The following CCDC80 variants were observed in gnomAD, a reference collection of about 807,000 sequenced individuals.
The protein encoded by CCDC80 is coiled-coil domain-containing protein 80.
In CCDC80, 49 loss-of-function variants were observed where a neutral mutation model predicts 78.7. The ratio of observed to expected loss-of-function variants is 0.62; its 90% CI spans 0.50 to 0.79. The LOEUF (loss-of-function observed/expected upper bound fraction) is 0.79. CCDC80 is among the 30% of genes least tolerant of loss of function. The probability of loss-of-function intolerance (pLI) is 0.00; values close to 1 mark genes in which losing one functional copy is unlikely to be tolerated. For synonymous variants in CCDC80, 488 were observed against 447.0 expected, an observed-to-expected ratio of 1.09 and a Z score of -1.16; for missense variants, 1,205 against 1,198.6, an observed-to-expected ratio of 1.01 and a Z score of -0.08.
At chr3:112,610,850 G>A (rs538388732) in intron 5 of CCDC80, among the ~76,000 whole-genome samples, 18 of 151,224 alleles carry the variant, frequency 1.2e-4, no homozygotes, top group South Asian at 6.3e-4. Flanking sequence ...TTTGGGTGTC[G>A]TTGAGCATGT....
chr3:112,613,774 A>T (rs1241886720), intron 5 of CCDC80, among the ~76,000 whole-genome samples: 1 of 152,098 alleles, frequency 6.6e-6, no homozygotes, highest in African/African-American at 2.4e-5. Context: ...ACTGGGATAG[A>T]TCACTAACCC....
At chr3:112,624,926 C>T (rs936447629) in intron 3 of CCDC80, among the ~76,000 whole-genome samples, 6 of 152,098 alleles carry the variant, frequency 3.9e-5, no homozygotes, top group Admixed American at 6.5e-5. Context: ...AACCTAATAG[C>T]AAATCAGAAT....
chr3:112,620,074 A>C (rs1576786679), intron 3 of CCDC80, among the ~76,000 whole-genome samples: 1 of 152,340 alleles, frequency 6.6e-6, no homozygotes, highest in South Asian at 2.1e-4. Flanking sequence ...ATCACTACCC[A>C]GTGACTAACA....
chr3:112,618,899 T>C, intron 4 of CCDC80, 69 bp downstream of exon 4: 1 of 1,532,712 alleles, frequency 6.5e-7, no homozygotes, highest in East Asian at 2.3e-5. Context: ...GAATGGACTG[T>C]TTAACAAAAC....
intron 3 of CCDC80, among the ~76,000 whole-genome samples, chr3:112,621,984 ACT>A (rs1320807780): frequency 1.3e-5 from 2 of 152,024 alleles, no homozygotes; most frequent in African/African-American, 4.8e-5. Context: ...AGAGTCTCAG[ACT>A]CTGTCTCTCA....
intron 4 of CCDC80, among the ~76,000 whole-genome samples, chr3:112,617,510 G>C (rs962686627): frequency 6.6e-6 from 1 of 152,180 alleles, no homozygotes; most frequent in Non-Finnish European, 1.5e-5. Flanking sequence ...GACATGGCTC[G>C]AAGCTCTGCC....
intron 3 of CCDC80, among the ~76,000 whole-genome samples, chr3:112,627,244 T>C (rs1210557049): frequency 6.6e-6 from 1 of 152,210 alleles, no homozygotes; most frequent in African/African-American, 2.4e-5. Flanking sequence ...ATTCCTATCC[T>C]AGACTGACAT....
intron 3 of CCDC80, among the ~76,000 whole-genome samples, chr3:112,623,628 G>T (rs1198501009): frequency 6.6e-6 from 1 of 152,082 alleles, no homozygotes; most frequent in Non-Finnish European, 1.5e-5. Context: ...AAAATTTCCT[G>T]GGTAGTTGTT....
In CCDC80 at chr3:112,599,258, G is replaced by C. The variant is rs1187943388; in HGVS notation, c.*6159C>G. 1 of 152,132 alleles carries C rather than the reference G, an allele frequency of 6.6e-6. No individual in the cohort carries two copies. Among genetic ancestry groups the C allele is most frequent in the African/African-American group, 2.4e-5 (1 of 41,412 alleles). 9.4% of individuals were successfully genotyped at this position (152,132 alleles called of 1,614,324 possible). ...ACCCATTTCTGTGTATCATTTCATTGATTTCTGTGACAGCTGGCCCTTTGC... is the reference window on the plus strand; with the variant it reads ...ACCCATTTCTGTGTATCATTTCATTCATTTCTGTGACAGCTGGCCCTTTGC... On this transcript the variant is annotated 3_prime_UTR_variant, in exon 8 of 8. Coordinates refer to ENST00000206423, the MANE Select transcript of CCDC80 (RefSeq NM_199511.3).
intron 6 of CCDC80, among the ~76,000 whole-genome samples, chr3:112,609,084 T>TC (rs1429032191): frequency 1.3e-5 from 2 of 151,938 alleles, no homozygotes; most frequent in African/African-American, 4.8e-5. Flanking sequence ...CTTAGCTACT[T>TC]CCCCCTGCCC....
intron 2 of CCDC80, among the ~76,000 whole-genome samples, chr3:112,634,759 A>C (rs1936171503): frequency 6.6e-6 from 1 of 152,094 alleles, no homozygotes; most frequent in Admixed American, 6.6e-5. Context: ...TTTCCCCTTC[A>C]CTTTATGGCA....
intron 1 of CCDC80, 60 bp from the exon 2 acceptor site, chr3:112,639,976 T>C (rs2066894880): frequency 6.6e-7 from 1 of 1,525,056 alleles, no homozygotes; most frequent in African/African-American, 1.4e-5. Context: ...AGAAAATTAT[T>C]TATCTGGAAA....
rs371250516 is a variant in CCDC80, at chr3:112,619,496, A to G, written c.2036-392T>C. 4.6e-5 allele frequency among the ~76,000 whole-genome samples: 7 copies of G among 152,302 alleles called. No individual in the cohort carries two copies. The East Asian group carries it at 9.6e-4, about 21-fold the overall frequency. ...AGACAATTTGTTAAGTTCTGTTTCC[A>G]TTAAACATAATTCTGAGTCTAAAAC... On this transcript the variant is annotated intron_variant, in intron 3 of 7. Coordinates refer to ENST00000206423, the MANE Select transcript of CCDC80 (RefSeq NM_199511.3).
intron 2 of CCDC80, among the ~76,000 whole-genome samples, chr3:112,631,600 C>T (rs1041433420): frequency 3.9e-5 from 6 of 152,192 alleles, no homozygotes; most frequent in South Asian, 4.1e-4. Flanking sequence ...AACTTATAAA[C>T]TATTTCCGAT....
rs1349538194 is a variant in CCDC80 at position 112,602,350 on chromosome 3, A to G, written c.*3067T>C. On this transcript the variant is annotated 3_prime_UTR_variant, in exon 8 of 8. Coordinates refer to ENST00000206423, the MANE Select transcript of CCDC80 (RefSeq NM_199511.3). ...GTAGATCAATTAATAACCCTAAAAT[A>G]GCCTCCAGGTATTTCAAGTGAGAGG... The G allele has an allele frequency of 3.9e-5, 6 of 152,236 alleles. No homozygotes were observed. Among genetic ancestry groups the G allele is most frequent in the African/African-American group, 1.4e-4 (6 of 41,452 alleles). 9.4% of individuals were successfully genotyped at this position (152,236 alleles called of 1,614,324 possible).
chr3:112,624,044 A>G (rs1559878723), intron 3 of CCDC80, among the ~76,000 whole-genome samples: 1 of 152,176 alleles, frequency 6.6e-6, no homozygotes, highest in East Asian at 1.9e-4. Context: ...AGCATTCAGT[A>G]AAGATTTGGT....
intron 2 of CCDC80, among the ~76,000 whole-genome samples, chr3:112,635,531 G>A (rs774543194): frequency 3.9e-5 from 6 of 152,198 alleles, no homozygotes; most frequent in Non-Finnish European, 8.8e-5. Flanking sequence ...CCTCTCTGGC[G>A]AAAAATTCTT....
intron 6 of CCDC80, among the ~76,000 whole-genome samples, chr3:112,608,353 A>C (rs1359402061): frequency 6.6e-6 from 1 of 152,222 alleles, no homozygotes. Context: ...TATTCAAAAA[A>C]ATTTTTTTTT....
chr3:112,638,526 T>G lies in CCDC80; in HGVS notation c.1380A>C (p.Pro460=). The G allele has an allele frequency of 6.2e-7, 1 of 1,614,072 alleles. No individual in the cohort carries two copies. Among genetic ancestry groups the G allele is most frequent in the South Asian group, 1.1e-5 (1 of 91,076 alleles). The change falls in exon 2 of 8, where the codon CCA becomes CCC. Residue 460 remains proline (P), a synonymous_variant. Coordinates refer to ENST00000206423, the MANE Select transcript of CCDC80 (RefSeq NM_199511.3). ...CCATGCGGTTGTCCCGGAAACGGCC[T>G]GGGCCAGCAGCCCTTGTGCTGGGTT... ...ISEPSTRAAG[P]GRFRDNRMDR...
Sources: allele counts gnomAD v4.1 joint callset (sites outside exome capture counted in the v4.1 genomes callset), GRCh38; gene constraint gnomAD v4.1.1; transcripts MANE v1.5; gene names NCBI Gene and HGNC (gene_info 2026-07-23, HGNC 2026-07-21).